Variants in TDRD3 observed in about 807,000 individuals in gnomAD.
TDRD3 encodes the protein tudor domain containing 3, also known as tudor domain-containing protein 3.
Under a neutral mutation model 86.7 loss-of-function variants are expected in TDRD3, and 45 were observed. The ratio of observed to expected loss-of-function variants is 0.52; its 90% CI spans 0.41 to 0.67. The LOEUF is 0.67. TDRD3 is among the 30% of genes least tolerant of loss of function. TDRD3 has a pLI of 0.00. For synonymous variants in TDRD3, 298 were observed against 301.7 expected (o/e 0.99, Z 0.13); for missense variants, 814 against 889.0 (o/e 0.92, Z 1.07).
chr13:60,525,439 G>A (rs553152319), intron 10 of TDRD3, among the ~76,000 whole-genome samples: 132 of 151,958 alleles, frequency 8.7e-4, no homozygotes, highest in African/African-American at 3.1e-3. Context: ...CTCCCAAAGT[G>A]CTGGGATTAC....
At chr13:60,447,772 G>A (rs1955438637) in intron 3 of TDRD3, among the ~76,000 whole-genome samples, 1 of 152,156 alleles carries the variant, frequency 6.6e-6, no homozygotes, top group Non-Finnish European at 1.5e-5. Context: ...CCATTTCTGA[G>A]AGAGAAAGCC....
intron 12 of TDRD3, among the ~76,000 whole-genome samples, chr13:60,545,683 ATAT>A (rs531329763): frequency 6.6e-6 from 1 of 152,082 alleles, no homozygotes; most frequent in African/African-American, 2.4e-5. Flanking sequence ...GATAATATAA[ATAT>A]TATTATTAGG....
intron 10 of TDRD3, among the ~76,000 whole-genome samples, chr13:60,522,619 A>G (rs1306047814): frequency 6.6e-6 from 1 of 152,190 alleles, no homozygotes; most frequent in Non-Finnish European, 1.5e-5. Context: ...ATAAAAAGCT[A>G]TGTAGTCTTT....
rs1954058670 is a variant in TDRD3 at position 60,400,290 on chromosome 13, A to T, written c.41+2885A>T. On this transcript the variant is annotated intron_variant, in intron 1 of 13. Coordinates refer to ENST00000377881, the MANE Select transcript of TDRD3 (RefSeq NM_001146070.2). Reference sequence around the variant, plus strand: ...CTCCTTTAGGATGATATCCCTGATCACTGTGAGTGGAAATATAAAATTCTA... The same window carrying T: ...CTCCTTTAGGATGATATCCCTGATCTCTGTGAGTGGAAATATAAAATTCTA... Among the ~76,000 whole-genome samples the T allele has an allele frequency of 2.0e-5, 3 of 152,220 alleles. No homozygotes were observed. The South Asian group carries it at 6.2e-4, about 31-fold the overall frequency.
chr13:60,491,361 T>C (rs982680640), intron 7 of TDRD3, among the ~76,000 whole-genome samples: 1 of 151,844 alleles, frequency 6.6e-6, no homozygotes, highest in Non-Finnish European at 1.5e-5. Flanking sequence ...CACTTGAGAG[T>C]TGTAGACATA....
chr13:60,548,646 A>G (rs1211044739), intron 12 of TDRD3, among the ~76,000 whole-genome samples: 1 of 152,158 alleles, frequency 6.6e-6, no homozygotes, highest in Non-Finnish European at 1.5e-5. Flanking sequence ...TTTCATAACT[A>G]AAAATTAGAG....
intron 4 of TDRD3, among the ~76,000 whole-genome samples, chr13:60,464,174 G>A (rs1955863130): frequency 6.6e-6 from 1 of 152,092 alleles, no homozygotes; most frequent in African/African-American, 2.4e-5. Context: ...GCAGAACTAT[G>A]AGCCAAATAA....
chr13:60,425,733 A>T (rs932945511), intron 1 of TDRD3, among the ~76,000 whole-genome samples: 1 of 152,050 alleles, frequency 6.6e-6, no homozygotes, highest in African/African-American at 2.4e-5. Context: ...CCATGCCACC[A>T]CTGAGACAGC....
chr13:60,400,574 A>C (rs925033557), intron 1 of TDRD3, among the ~76,000 whole-genome samples: 2 of 152,028 alleles, frequency 1.3e-5, no homozygotes, highest in Non-Finnish European at 2.9e-5. Flanking sequence ...GTCTCTACTA[A>C]AAATACAAAA....
chr13:60,513,990 T>A (rs1334437477), intron 10 of TDRD3, among the ~76,000 whole-genome samples: 1 of 151,576 alleles, frequency 6.6e-6, no homozygotes, highest in East Asian at 1.9e-4. Flanking sequence ...CAGGCAGAGG[T>A]TGGAATGGTT....
In TDRD3 at chr13:60,535,158, T is replaced by C; in HGVS notation, c.2043T>C (p.Val681=). ...TCCATTCTTCGGGTATGACAGCAGT[T>C]GTTAAATTCATTGACTACGGAAACT... ...EALHSSGMTA[V]VKFIDYGNYE... Residue 681 remains valine, a synonymous_variant, in exon 12 of 14, where the codon GTT becomes GTC. Coordinates refer to ENST00000377881, the MANE Select transcript of TDRD3 (RefSeq NM_001146070.2). The C allele has an allele frequency of 1.2e-6, 2 of 1,613,942 alleles. No individual in the cohort carries two copies. Among genetic ancestry groups the C allele is most frequent in the Non-Finnish European group, 1.7e-6 (2 of 1,179,904 alleles).
At position 60,528,327 on chromosome 13, in the gene TDRD3, C is replaced by T. The variant is rs564276954; in HGVS notation, c.1142-40C>T. On this transcript the variant is annotated intron_variant, in intron 10 of 13. Coordinates refer to ENST00000377881, the MANE Select transcript of TDRD3 (RefSeq NM_001146070.2). ...TTTAAAATAATTATTAATGCAGAGT[C>T]TTCATCTTAATTTGCATATGGTATA... The T allele has an allele frequency of 6.1e-4, 932 of 1,533,340 alleles. 19 individuals are homozygous for T. In the South Asian group the frequency reaches 0.011, roughly 19 times the overall value. The allele number at this position is 1,533,340 out of a possible 1,614,324, so 95.0% of individuals were successfully genotyped here.
At chr13:60,426,842 G>A (rs1217622318) in intron 1 of TDRD3, among the ~76,000 whole-genome samples, 1 of 152,136 alleles carries the variant, frequency 6.6e-6, no homozygotes, top group African/African-American at 2.4e-5. Context: ...TTGTCACTGT[G>A]GGAACGTCAC....
intron 11 of TDRD3, 119 bp from the exon 12 acceptor site, chr13:60,534,989 A>C: frequency 8.7e-7 from 1 of 1,155,094 alleles, no homozygotes; most frequent in Non-Finnish European, 1.2e-6. Context: ...TTCCAAAGGT[A>C]AGTTTCCTTC....
chr13:60,428,332 A>AC (rs1954862516), intron 1 of TDRD3, among the ~76,000 whole-genome samples: 1 of 151,784 alleles, frequency 6.6e-6, no homozygotes, highest in South Asian at 2.1e-4. Flanking sequence ...ATTAGGACAT[A>AC]AGCATATCTT....
rs1294260843 is a variant in TDRD3, at chr13:60,397,294, G to T, written c.-71G>T. ...TTTCTTTTTTTTTTTTTAAGGGGGGGGGTCTCAAGTAGGAGGCCTCCCCAT... is the reference window on the plus strand; with the variant it reads ...TTTCTTTTTTTTTTTTTAAGGGGGGTGGTCTCAAGTAGGAGGCCTCCCCAT... On this transcript the variant is annotated 5_prime_UTR_variant, in exon 1 of 14. Transcript: ENST00000377881. 9.9e-6 allele frequency: 8 copies of T among 807,722 alleles called. No individual in the cohort carries two copies. Among genetic ancestry groups the T allele is most frequent in the Non-Finnish European group, 1.3e-5 (7 of 554,622 alleles). The allele number at this position is 807,722 out of a possible 1,614,324, so 50.0% of individuals were successfully genotyped here. A position where few individuals can be genotyped will look rare whatever the true frequency, so the allele number is the denominator to read the frequency against.
At chr13:60,497,328 G>T (rs184537862) in intron 8 of TDRD3, among the ~76,000 whole-genome samples, 1 of 152,308 alleles carries the variant, frequency 6.6e-6, no homozygotes, top group East Asian at 1.9e-4. Context: ...TCGAATGCCT[G>T]GGTTTAGATC....
At chr13:60,559,450 G>A (rs557355326) in intron 12 of TDRD3, among the ~76,000 whole-genome samples, 1 of 152,192 alleles carries the variant, frequency 6.6e-6, no homozygotes, top group African/African-American at 2.4e-5. Context: ...TTAATCTTTA[G>A]AAATGGGTTT....
chr13:60,567,405 A>G (rs1958485368), intron 12 of TDRD3, 120 bp from the exon 13 acceptor site: 1 of 1,263,924 alleles, frequency 7.9e-7, no homozygotes, highest in Non-Finnish European at 1.1e-6. Flanking sequence ...AAAAGTTGAC[A>G]TGTGTGAATT....
Sources: gnomAD v4.1 joint callset for allele counts (sites outside exome capture counted in the v4.1 genomes callset) on GRCh38, gnomAD v4.1.1 for gene constraint, MANE v1.5 for transcripts, NCBI Gene and HGNC (gene_info 2026-07-23, HGNC 2026-07-21) for gene names.